The following THSD4 variants were observed in gnomAD, a reference collection of about 807,000 sequenced individuals.
THSD4 encodes the protein thrombospondin type-1 domain-containing protein 4.
A neutral mutation model predicts 119.0 loss-of-function variants in THSD4; 69 were observed. That is an observed-to-expected ratio of 0.58 (90% CI 0.48 to 0.71). The LOEUF is 0.71. Ranked by LOEUF, THSD4 falls within the 30% of genes least tolerant of loss-of-function variation. THSD4 has a pLI of 0.00. For missense variants in THSD4, 1,393 were observed against 1,391.1 expected (o/e 1.00, Z -0.02); for synonymous variants, 524 against 540.4 (o/e 0.97, Z 0.42).
chr15:71,596,793 A>G (rs1243362232), intron 7 of THSD4, among the ~76,000 whole-genome samples: 1 of 152,204 alleles, frequency 6.6e-6, no homozygotes, highest in Non-Finnish European at 1.5e-5. Flanking sequence ...TGTTTTGGAG[A>G]CAGCAGAAGC....
intron 6 of THSD4, among the ~76,000 whole-genome samples, chr15:71,370,730 TGTG>T (rs1352004003): frequency 2.6e-5 from 4 of 152,356 alleles, no homozygotes; most frequent in Admixed American, 6.5e-5. Context: ...ATAAGTGCAA[TGTG>T]GTGCTGAGAA....
chr15:71,290,892 T>TTG (rs1491219596), intron 6 of THSD4, among the ~76,000 whole-genome samples: 1 of 145,848 alleles, frequency 6.9e-6, no homozygotes, highest in Non-Finnish European at 1.5e-5. Context: ...TTTTTTTTTT[T>TTG]GTTAACTTTT....
At chr15:71,471,106 G>A (rs2047572722) in intron 7 of THSD4, among the ~76,000 whole-genome samples, 1 of 152,150 alleles carries the variant, frequency 6.6e-6, no homozygotes, top group Non-Finnish European at 1.5e-5. Flanking sequence ...GATGCCTGTC[G>A]GTTCCTGCAC....
At chr15:71,674,168 C>G (rs1256310612) in intron 8 of THSD4, among the ~76,000 whole-genome samples, 2 of 152,192 alleles carry the variant, frequency 1.3e-5, no homozygotes, top group East Asian at 3.8e-4. Flanking sequence ...CTTACTCCCC[C>G]AGCCCTAGGC....
chr15:71,202,092 C>A (rs1318497009), intron 3 of THSD4, among the ~76,000 whole-genome samples: 1 of 152,072 alleles, frequency 6.6e-6, no homozygotes, highest in Non-Finnish European at 1.5e-5. Context: ...GAAGTAATTT[C>A]CAGAGATTTT....
At chr15:71,729,015 C>T (rs1436300750) in intron 9 of THSD4, 12 of 418,836 alleles carry the variant, frequency 2.9e-5, no homozygotes, top group Non-Finnish European at 4.9e-5. Flanking sequence ...AAAACATGCC[C>T]TTTATTTCAT....
chr15:71,332,344 C>T (rs763883970), intron 6 of THSD4, among the ~76,000 whole-genome samples: 7 of 152,112 alleles, frequency 4.6e-5, no homozygotes, highest in African/African-American at 7.2e-5. Flanking sequence ...CACTGCCAGA[C>T]GGCTATAAGG....
At chr15:71,098,218 G>A (rs1337025377) in intron 1 of THSD4, among the ~76,000 whole-genome samples, 1 of 141,972 alleles carries the variant, frequency 7.0e-6, no homozygotes, top group Non-Finnish European at 1.5e-5. Flanking sequence ...TTTTTTGGGG[G>A]GAGAGAAGGT....
intron 2 of THSD4, among the ~76,000 whole-genome samples, chr15:71,150,520 G>C (rs976132480): frequency 2.6e-5 from 4 of 152,230 alleles, no homozygotes; most frequent in Non-Finnish European, 2.9e-5. Flanking sequence ...ATTCAGAGCA[G>C]AGACCATTTA....
intron 6 of THSD4, among the ~76,000 whole-genome samples, chr15:71,381,473 C>G (rs1451399391): frequency 6.6e-6 from 1 of 152,182 alleles, no homozygotes; most frequent in East Asian, 1.9e-4. Context: ...TTTATAAAGA[C>G]AGTCAGTTTC....
intron 6 of THSD4, among the ~76,000 whole-genome samples, chr15:71,394,860 C>T (rs2046426656): frequency 6.6e-6 from 1 of 152,134 alleles, no homozygotes; most frequent in Admixed American, 6.5e-5. Flanking sequence ...TAATGTGAGT[C>T]CCTCTGACAT....
At chr15:71,559,156 A>C (rs893930598) in intron 7 of THSD4, among the ~76,000 whole-genome samples, 7 of 152,164 alleles carry the variant, frequency 4.6e-5, no homozygotes, top group African/African-American at 1.4e-4. Flanking sequence ...TATTCGAAGA[A>C]GACATGTTGA....
intron 8 of THSD4, among the ~76,000 whole-genome samples, chr15:71,682,972 G>A (rs1197747212): frequency 7.3e-6 from 1 of 136,970 alleles, no homozygotes; most frequent in Non-Finnish European, 1.5e-5. Context: ...CCAGTCTGGA[G>A]TGCAGTGGTG....
At chr15:71,236,461 C>G (rs185422515) in intron 4 of THSD4, among the ~76,000 whole-genome samples, 1 of 152,358 alleles carries the variant, frequency 6.6e-6, no homozygotes, top group East Asian at 1.9e-4. Flanking sequence ...ACCAGAAATG[C>G]TCTCACACAA....
At chr15:71,443,842 T>G (rs2047143842) in intron 7 of THSD4, among the ~76,000 whole-genome samples, 1 of 152,208 alleles carries the variant, frequency 6.6e-6, no homozygotes, top group Admixed American at 6.5e-5. Context: ...AAAGCAAAGG[T>G]GCATAACAAA....
chr15:71,248,794 C>A (rs978088661), intron 5 of THSD4, among the ~76,000 whole-genome samples: 8 of 152,168 alleles, frequency 5.3e-5, no homozygotes, highest in Non-Finnish European at 1.2e-4. Context: ...TACTCCATCT[C>A]TAGTCTGATA....
intron 7 of THSD4, among the ~76,000 whole-genome samples, chr15:71,640,023 A>G (rs974199657): frequency 1.3e-5 from 2 of 152,158 alleles, no homozygotes; most frequent in Non-Finnish European, 2.9e-5. Context: ...CTCATTAGCC[A>G]CCAAAATACT....
At chr15:71,203,381 G>A (rs143739794) in intron 3 of THSD4, among the ~76,000 whole-genome samples, 51 of 152,270 alleles carry the variant, frequency 3.3e-4, no homozygotes, top group African/African-American at 1.2e-3. Flanking sequence ...GCGGCCAGGC[G>A]TGATGGCTCA....
chr15:71,132,078 G>T (rs534449311), intron 1 of THSD4, among the ~76,000 whole-genome samples: 1 of 152,266 alleles, frequency 6.6e-6, no homozygotes, highest in African/African-American at 2.4e-5. Flanking sequence ...ATCAAATTAG[G>T]AGAGATTGCA....
Sources: gnomAD v4.1 joint callset for allele counts (sites outside exome capture counted in the v4.1 genomes callset) on GRCh38, gnomAD v4.1.1 for gene constraint, MANE v1.5 for transcripts, NCBI Gene and HGNC (gene_info 2026-07-23, HGNC 2026-07-21) for gene names.